SVEP1: variants seen among roughly 807,000 people sequenced by gnomAD.
SVEP1 encodes sushi, von Willebrand factor type A, EGF and pentraxin domain-containing protein 1.
A neutral mutation model predicts 367.3 loss-of-function variants in SVEP1; 164 were observed. That is an observed-to-expected ratio of 0.45 (90% CI 0.39 to 0.51). The LOEUF is 0.51. Among genes scored for constraint, SVEP1 ranks in the 20% least tolerant of loss-of-function variants. SVEP1 has a pLI of 0.00. For synonymous variants in SVEP1, 1,666 were observed against 1,611.6 expected (o/e 1.03, Z -0.81); for missense variants, 4,117 against 4,425.3 (o/e 0.93, Z 1.98).
At chr9:110,378,124 A>AATC (rs143420292) in intron 44 of SVEP1, among the ~76,000 whole-genome samples, 15 of 152,090 alleles carry the variant, frequency 9.9e-5, no homozygotes, top group South Asian at 4.1e-4. Flanking sequence ...CTATCTTCTT[A>AATC]ATCATCATCA....
chr9:110,504,857 T>G (rs1829599094), intron 5 of SVEP1, among the ~76,000 whole-genome samples: 1 of 152,196 alleles, frequency 6.6e-6, no homozygotes, highest in African/African-American at 2.4e-5. Flanking sequence ...ATCTTCCCCC[T>G]TTCTTGGATC....
chr9:110,401,602 C>T (rs1283929913), intron 39 of SVEP1, among the ~76,000 whole-genome samples: 1 of 150,104 alleles, frequency 6.7e-6, no homozygotes, highest in Non-Finnish European at 1.5e-5. Flanking sequence ...ATAAAGAAAT[C>T]CTCAATAAAT....
Position 110,579,261 on chromosome 9 carries a change from C to A in SVEP1, c.283G>T (p.Gly95Cys). The change falls in exon 1 of 48, where the codon GGC becomes TGC. Residue 95 changes from glycine to cysteine, a missense_variant. Physicochemically the swap from Gly to Cys is radical, Grantham distance 159. Coordinates refer to ENST00000374469, the MANE Select transcript of SVEP1 (RefSeq NM_153366.4). The surrounding 1 kb of genome is among the most constrained non-coding windows in gnomAD (Gnocchi z 5.3). ...VFLVDDSSSV[G>C]EVNFRSELMF... ...AGCTCGCTGCGGAAGTTGACTTCGC[C>A]CACGCTGGACGAATCATCCACCAGG... is the stretch of plus-strand genomic sequence containing the variant. 1.3e-6 allele frequency: 2 copies of A among 1,571,356 alleles called. No homozygotes were observed. The highest frequency in any genetic ancestry group is 8.6e-7 in the Non-Finnish European group (1 of 1,159,582).
intron 40 of SVEP1, among the ~76,000 whole-genome samples, chr9:110,391,851 T>C (rs979237877): frequency 6.6e-6 from 1 of 152,004 alleles, no homozygotes; most frequent in Non-Finnish European, 1.5e-5. Context: ...GTAAAGTAGA[T>C]TGCCCTCGCC....
rs962798504 is a variant in SVEP1, at chr9:110,468,832, G to A, written c.3160+108C>T. Reference sequence around the variant, plus strand: ...TGCAAATCTATCTTTTGCCACAGGGGCCTCAGACAAGAGCCGAGTGTTGGG... The same window carrying A: ...TGCAAATCTATCTTTTGCCACAGGGACCTCAGACAAGAGCCGAGTGTTGGG... On this transcript the variant is annotated intron_variant, in intron 17 of 47. Transcript: ENST00000374469. The A allele has an allele frequency of 6.5e-6, 7 of 1,075,310 alleles. No individual in the cohort carries two copies. In the African/African-American group the frequency reaches 1.1e-4, roughly 17 times the overall value. The allele number at this position is 1,075,310 out of a possible 1,614,324, so 66.6% of individuals were successfully genotyped here. A position where few individuals can be genotyped will look rare whatever the true frequency, so the allele number is the denominator to read the frequency against.
chr9:110,478,907 A>G (rs75533253), intron 13 of SVEP1, among the ~76,000 whole-genome samples: 4,247 of 143,526 alleles, frequency 0.03, 189 homozygotes, highest in African/African-American at 0.11. Context: ...ATATTGCTGT[A>G]TTTTCTTTTC....
Position 110,503,035 on chromosome 9 carries a change from T to G in SVEP1, c.1483+3A>C. The G allele has an allele frequency of 6.2e-7, 1 of 1,609,566 alleles. No homozygotes were observed. Among genetic ancestry groups the G allele is most frequent in the African/African-American group, 1.3e-5 (1 of 74,856 alleles). ...CAAGGCATTACACCTTCTAGAAACT[T>G]ACCCACACACCGGGGTTCTGGCCCA... On this transcript the variant is annotated splice_donor_region_variant and intron_variant, in intron 6 of 47. Coordinates refer to ENST00000374469, the MANE Select transcript of SVEP1 (RefSeq NM_153366.4).
intron 1 of SVEP1, among the ~76,000 whole-genome samples, chr9:110,560,106 T>C (rs58755990): frequency 0.085 from 12,958 of 152,166 alleles, 810 homozygotes; most frequent in East Asian, 0.33. Flanking sequence ...TCTCATAAGA[T>C]TATAATGCCA....
rs1396102212 is a variant in SVEP1, at chr9:110,366,319, T to C, written c.*220A>G. The C allele has an allele frequency of 5.0e-6, 2 of 403,458 alleles. No individual in the cohort carries two copies. Among genetic ancestry groups the C allele is most frequent in the Non-Finnish European group, 8.7e-6 (2 of 230,196 alleles). The allele number at this position is 403,458 out of a possible 1,614,324, so 25.0% of individuals were successfully genotyped here. On this transcript the variant is annotated 3_prime_UTR_variant, in exon 48 of 48. Coordinates refer to ENST00000374469, the MANE Select transcript of SVEP1 (RefSeq NM_153366.4). The stretch of plus-strand genomic sequence containing the variant: ...GCATCTATTTAATATAATTTTTATA[T>C]AGAAAATACAGGCATATTTAAAAAT...
intron 9 of SVEP1, among the ~76,000 whole-genome samples, chr9:110,486,134 G>A (rs138362500): frequency 1.6e-3 from 244 of 152,308 alleles, no homozygotes; most frequent in African/African-American, 5.6e-3. Flanking sequence ...AAAGGATAAA[G>A]CAATGCTCAT....
intron 43 of SVEP1, among the ~76,000 whole-genome samples, chr9:110,383,773 C>G (rs1827479292): frequency 1.3e-5 from 2 of 152,110 alleles, no homozygotes; most frequent in Admixed American, 1.3e-4. Context: ...TCAGGGAGAT[C>G]AGAGGTCTGT....
Position 110,387,411 on chromosome 9 carries a change from T to A in SVEP1, c.9934A>T (p.Ile3312Phe), listed in dbSNP as rs1016093411. ...PLEFLNGKAD[I>F]ENRTTGPNVV... Reference sequence around the variant, plus strand: ...TTGGGTCCAGTCGTCCTGTTTTCAATGTCAGCTTTCCCATTGAGAAATTCA... The same window carrying A: ...TTGGGTCCAGTCGTCCTGTTTTCAAAGTCAGCTTTCCCATTGAGAAATTCA... Residue 3312 changes from isoleucine (I) to phenylalanine (F), a missense_variant, in exon 42 of 48, where the codon ATT becomes TTT. By Grantham distance (21) the Ile-to-Phe change is conservative. Coordinates refer to ENST00000374469, the MANE Select transcript of SVEP1 (RefSeq NM_153366.4). 5.6e-6 allele frequency: 9 copies of A among 1,613,070 alleles called. No individual in the cohort carries two copies. The African/African-American group carries it at 8.0e-5, about 14-fold the overall frequency.
chr9:110,543,472 A>G (rs945275224), intron 3 of SVEP1, among the ~76,000 whole-genome samples: 6 of 148,022 alleles, frequency 4.1e-5, no homozygotes, highest in Admixed American at 3.3e-4. Context: ...ACCCAACTAC[A>G]TATATTTTAC....
At chr9:110,574,691 A>G (rs548879560) in intron 1 of SVEP1, among the ~76,000 whole-genome samples, 1 of 151,860 alleles carries the variant, frequency 6.6e-6, no homozygotes, top group African/African-American at 2.4e-5. Flanking sequence ...AAAAGTTACA[A>G]TGCAGACATG....
At chr9:110,489,585 G>A in intron 9 of SVEP1, 65 bp downstream of exon 9, 3 of 1,515,322 alleles carry the variant, frequency 2.0e-6, no homozygotes, top group Non-Finnish European at 2.7e-6. Context: ...CGACACATGG[G>A]AATTATGGGA....
intron 40 of SVEP1, among the ~76,000 whole-genome samples, chr9:110,391,166 G>A (rs544218078): frequency 6.6e-6 from 1 of 151,856 alleles, no homozygotes; most frequent in South Asian, 2.1e-4. Context: ...TAATTCTGTT[G>A]AATCAGTACC....
intron 40 of SVEP1, among the ~76,000 whole-genome samples, chr9:110,391,970 C>T (rs1341171008): frequency 4.0e-5 from 6 of 151,728 alleles, no homozygotes; most frequent in Non-Finnish European, 7.4e-5. Flanking sequence ...AGTTGGGACT[C>T]ATCTCCTCCT....
chr9:110,445,203 T>A (rs970632640), intron 26 of SVEP1, among the ~76,000 whole-genome samples: 1 of 152,140 alleles, frequency 6.6e-6, no homozygotes, highest in Non-Finnish European at 1.5e-5. Flanking sequence ...TGATAAATAA[T>A]GTGGACAGTT....
chr9:110,375,603 T>G (rs1827340492), intron 45 of SVEP1, 140 bp from the exon 46 acceptor site: 1 of 679,024 alleles, frequency 1.5e-6, no homozygotes, highest in African/African-American at 1.8e-5. Flanking sequence ...TAAATAAGTT[T>G]CCTGCATGTG....
Sources: gnomAD v4.1 joint callset for allele counts (sites outside exome capture counted in the v4.1 genomes callset) on GRCh38, gnomAD v4.1.1 for gene constraint, Gnocchi (gnomAD v3.1) non-coding constraint, MANE v1.5 for transcripts, NCBI Gene and HGNC (gene_info 2026-07-23, HGNC 2026-07-21) for gene names.